Variants in CCDC91 observed in about 807,000 individuals in gnomAD.
CCDC91 encodes the protein coiled-coil domain containing 91.
A neutral mutation model predicts 63.2 loss-of-function variants in CCDC91; 48 were observed. The observed-to-expected ratio is 0.76, with a 90% confidence interval of 0.60 to 0.97. The LOEUF (loss-of-function observed/expected upper bound fraction) is 0.97, where lower values mean the gene tolerates loss of function less well. Ranked by LOEUF, CCDC91 falls within the 50% of genes least tolerant of loss-of-function variation. The pLI is 0.00. For missense variants in CCDC91, 500 were observed against 494.6 expected, an observed-to-expected ratio of 1.01 and a Z score of -0.10; for synonymous variants, 167 against 165.8, an observed-to-expected ratio of 1.01 and a Z score of -0.06.
intron 3 of CCDC91, among the ~76,000 whole-genome samples, chr12:28,281,603 A>C (rs1387046938): frequency 6.6e-6 from 1 of 152,190 alleles, no homozygotes; most frequent in Non-Finnish European, 1.5e-5. Context: ...AAAGGCTATC[A>C]CAGTATTCTT....
chr12:28,467,207 G>A (rs1461477033), intron 11 of CCDC91, among the ~76,000 whole-genome samples: 1 of 151,998 alleles, frequency 6.6e-6, no homozygotes, highest in African/African-American at 2.4e-5. Flanking sequence ...CCCTTGATCT[G>A]TTGCCTATAA....
intron 11 of CCDC91, among the ~76,000 whole-genome samples, chr12:28,482,789 A>G (rs1374242311): frequency 6.6e-6 from 1 of 151,934 alleles, no homozygotes; most frequent in African/African-American, 2.4e-5. Flanking sequence ...ATTGGTCCAA[A>G]GTAAATATCT....
At chr12:28,374,584 C>G (rs1944829934) in intron 7 of CCDC91, among the ~76,000 whole-genome samples, 1 of 152,134 alleles carries the variant, frequency 6.6e-6, no homozygotes. Context: ...TTAGCAATAT[C>G]TTATGTACCT....
chr12:28,530,132 C>A (rs1592970846), intron 12 of CCDC91, among the ~76,000 whole-genome samples: 1 of 152,194 alleles, frequency 6.6e-6, no homozygotes, highest in African/African-American at 2.4e-5. Flanking sequence ...TGGGGCTGAA[C>A]TTTATGCCTG....
chr12:28,489,409 G>A (rs950387723), intron 12 of CCDC91, among the ~76,000 whole-genome samples: 2 of 151,808 alleles, frequency 1.3e-5, no homozygotes, highest in African/African-American at 4.8e-5. Context: ...TATAATGACC[G>A]ACAGCCCTTG....
chr12:28,358,768 A>G (rs1401349046), intron 6 of CCDC91, among the ~76,000 whole-genome samples: 1 of 152,236 alleles, frequency 6.6e-6, no homozygotes, highest in East Asian at 1.9e-4. Context: ...TCTCTCTAGT[A>G]AGATAATTTT....
intron 8 of CCDC91, among the ~76,000 whole-genome samples, chr12:28,418,644 T>TATAATAACTTTG (rs1947823078): frequency 6.6e-6 from 1 of 152,124 alleles, no homozygotes; most frequent in Non-Finnish European, 1.5e-5. Context: ...ATTAATACTG[T>TATAATAACTTTG]AAAATAGATT....
intron 11 of CCDC91, among the ~76,000 whole-genome samples, chr12:28,474,723 A>C (rs1950993386): frequency 6.6e-6 from 1 of 152,094 alleles, no homozygotes; most frequent in Non-Finnish European, 1.5e-5. Flanking sequence ...AATGCCTGAA[A>C]TTGTAAAATT....
chr12:28,193,976 C>T (rs1343885898), intron 1 of CCDC91, among the ~76,000 whole-genome samples: 10 of 152,180 alleles, frequency 6.6e-5, no homozygotes, highest in South Asian at 6.2e-4. Context: ...GCATTTCCTT[C>T]GAGTCTGAGT....
chr12:28,261,504 C>T (rs1487910748), intron 3 of CCDC91, among the ~76,000 whole-genome samples: 1 of 151,704 alleles, frequency 6.6e-6, no homozygotes, highest in African/African-American at 2.4e-5. Context: ...GGCACTGATG[C>T]CAAAGGCATT....
At chr12:28,442,225 T>G (rs1949263440) in intron 8 of CCDC91, among the ~76,000 whole-genome samples, 1 of 152,150 alleles carries the variant, frequency 6.6e-6, no homozygotes, top group Non-Finnish European at 1.5e-5. Flanking sequence ...GTTGTCATTC[T>G]CTAGGTGATA....
At position 28,546,717 on chromosome 12, in the gene CCDC91, A is replaced by C. The variant is rs930696122; in HGVS notation, c.1216-2346A>C. 2.0e-5 allele frequency among the ~76,000 whole-genome samples: 3 copies of C among 152,180 alleles called. No homozygotes were observed. In the East Asian group the frequency reaches 5.8e-4, roughly 29 times the overall value. ...ATCTGTTACATATATTATAACTATA[A>C]AATGAAAACTATGCAACGGTTTAAA... is the stretch of plus-strand genomic sequence containing the variant. On this transcript the variant is annotated intron_variant, in intron 12 of 12. Coordinates refer to ENST00000536442, the MANE Select transcript of CCDC91 (RefSeq NM_018318.5).
At chr12:28,366,262 A>G (rs564057078) in intron 7 of CCDC91, among the ~76,000 whole-genome samples, 19 of 152,212 alleles carry the variant, frequency 1.2e-4, no homozygotes, top group Admixed American at 2.6e-4. Context: ...AAGTAACTAC[A>G]TAGTAGTGGG....
chr12:28,297,313 T>A (rs1014311482), intron 3 of CCDC91, among the ~76,000 whole-genome samples: 12 of 151,864 alleles, frequency 7.9e-5, no homozygotes, highest in Non-Finnish European at 1.5e-4. Flanking sequence ...AATTGCACAC[T>A]GTTTGGAAAC....
Position 28,515,705 on chromosome 12 carries a change from T to G in CCDC91, c.1215+31540T>G, listed in dbSNP as rs73087949. On this transcript the variant is annotated intron_variant, in intron 12 of 12. Coordinates refer to ENST00000536442, the MANE Select transcript of CCDC91 (RefSeq NM_018318.5). ...AATATGTTTTAACTATCAACAAAAA[T>G]TATAATATCTGAGGCTGCATCTACT... Among the ~76,000 whole-genome samples, 1,215 of 152,026 alleles carry G rather than the reference T, an allele frequency of 8.0e-3. 4 individuals are homozygous for G. The highest frequency in any genetic ancestry group is 0.014 in the Non-Finnish European group (919 of 67,910).
chr12:28,210,620 A>T (rs7298652), intron 1 of CCDC91, among the ~76,000 whole-genome samples: 39,704 of 152,070 alleles, frequency 0.26, 5,455 homozygotes, highest in Non-Finnish European at 0.31. Context: ...TCTGCTTTTA[A>T]TTAAGCTGAC....
At chr12:28,497,090 A>G (rs1952342318) in intron 12 of CCDC91, among the ~76,000 whole-genome samples, 1 of 150,980 alleles carries the variant, frequency 6.6e-6, no homozygotes, top group Non-Finnish European at 1.5e-5. Context: ...GATGGCCACC[A>G]AGTTTACTAA....
chr12:28,324,068 CTTT>C (rs1473500181), intron 6 of CCDC91, among the ~76,000 whole-genome samples: 1 of 151,768 alleles, frequency 6.6e-6, no homozygotes, highest in Non-Finnish European at 1.5e-5. Flanking sequence ...TTAGAGAGAC[CTTT>C]TTAGAGTCTG....
intron 8 of CCDC91, among the ~76,000 whole-genome samples, chr12:28,432,681 A>G (rs1948694188): frequency 6.6e-6 from 1 of 152,148 alleles, no homozygotes; most frequent in Non-Finnish European, 1.5e-5. Context: ...GGATGTAAAC[A>G]TCCATGTGCA....
Sources: gnomAD v4.1 joint callset for allele counts (sites outside exome capture counted in the v4.1 genomes callset) on GRCh38, gnomAD v4.1.1 for gene constraint, MANE v1.5 for transcripts, NCBI Gene and HGNC (gene_info 2026-07-23, HGNC 2026-07-21) for gene names.